PARVB: variants seen among roughly 807,000 people sequenced by gnomAD.
PARVB encodes beta-parvin.
A neutral mutation model predicts 47.0 loss-of-function variants in PARVB; 46 were observed. That is an observed-to-expected ratio of 0.98 (90% CI 0.77 to 1.25). PARVB has a LOEUF of 1.25. PARVB is among the 50% of genes most tolerant of loss of function. PARVB has a pLI of 0.00. For missense variants in PARVB, 473 were observed against 471.6 expected (o/e 1.00, Z -0.03); for synonymous variants, 196 against 196.3 (o/e 1.00, Z 0.01).
At chr22:44,016,123 G>T (rs1365158368) in intron 2 of PARVB, among the ~76,000 whole-genome samples, 3 of 141,424 alleles carry the variant, frequency 2.1e-5, no homozygotes, top group African/African-American at 8.3e-5. Flanking sequence ...TTGAGATGGA[G>T]TCTCGCTCTG....
intron 1 of PARVB, among the ~76,000 whole-genome samples, chr22:44,063,682 G>C (rs2051462753): frequency 1.3e-5 from 2 of 152,118 alleles, no homozygotes; most frequent in Non-Finnish European, 2.9e-5. Flanking sequence ...CAGAGTATGT[G>C]TGGTTGTCCA....
chr22:44,158,522 A>G (rs1601700298), intron 11 of PARVB, among the ~76,000 whole-genome samples: 2 of 152,082 alleles, frequency 1.3e-5, no homozygotes, highest in Non-Finnish European at 2.9e-5. Flanking sequence ...GTCAACTTGA[A>G]CATGTTTCTA....
chr22:44,007,304 G>C (rs7292221), intron 2 of PARVB, among the ~76,000 whole-genome samples: 1 of 152,178 alleles, frequency 6.6e-6, no homozygotes, highest in Non-Finnish European at 1.5e-5. Context: ...AGTCTCCTCC[G>C]AGAAGCCCAT....
chr22:44,126,720 A>G (rs1039354505), intron 4 of PARVB, among the ~76,000 whole-genome samples: 2 of 152,148 alleles, frequency 1.3e-5, no homozygotes, highest in Non-Finnish European at 2.9e-5. Flanking sequence ...GATATTTTCT[A>G]ATATTTTCAG....
chr22:44,031,202 A>C lies in PARVB; in HGVS notation c.112+6751A>C, dbSNP rs534510458. 6.6e-5 allele frequency among the ~76,000 whole-genome samples: 10 copies of C among 152,302 alleles called. No homozygotes were observed. In the South Asian group the frequency reaches 2.1e-3, roughly 32 times the overall value. ...TGAGGTCACTGCGACGCTGCCCAGC[A>C]CCTTCATGGGAAACGCTCCTCAGGG... On this transcript the variant is annotated intron_variant, in intron 1 of 12. Coordinates refer to ENST00000338758, the MANE Select transcript of PARVB (RefSeq NM_013327.5).
At chr22:44,066,730 G>A (rs2051530804) in intron 1 of PARVB, among the ~76,000 whole-genome samples, 1 of 144,576 alleles carries the variant, frequency 6.9e-6, no homozygotes, top group South Asian at 2.2e-4. Context: ...TTGCCTTATG[G>A]GGCCTTGATG....
At chr22:44,030,923 G>C (rs1260979528) in intron 1 of PARVB, among the ~76,000 whole-genome samples, 1 of 152,136 alleles carries the variant, frequency 6.6e-6, no homozygotes, top group Non-Finnish European at 1.5e-5. Context: ...CCAACGAAAA[G>C]GGGGAGTGGC....
intron 1 of PARVB, among the ~76,000 whole-genome samples, chr22:44,056,753 G>A (rs2051319590): frequency 6.6e-6 from 1 of 151,836 alleles, no homozygotes; most frequent in African/African-American, 2.4e-5. Flanking sequence ...TGATCCTCCT[G>A]CCTCAGCTTC....
intron 1 of PARVB, among the ~76,000 whole-genome samples, chr22:44,034,392 A>G (rs2050882273): frequency 6.6e-6 from 1 of 151,124 alleles, no homozygotes; most frequent in Non-Finnish European, 1.5e-5. Context: ...ATACATATAT[A>G]TATGTTTGAG....
intron 2 of PARVB, among the ~76,000 whole-genome samples, chr22:44,010,007 C>G (rs917125745): frequency 6.6e-6 from 1 of 152,036 alleles, no homozygotes; most frequent in Non-Finnish European, 1.5e-5. Flanking sequence ...AGGGTTTCAC[C>G]ATCTTGGCCA....
At chr22:44,117,538 A>C (rs1174178799) in intron 3 of PARVB, among the ~76,000 whole-genome samples, 1 of 152,204 alleles carries the variant, frequency 6.6e-6, no homozygotes, top group Non-Finnish European at 1.5e-5. Flanking sequence ...TGACCTTCAG[A>C]GGTGGCATTG....
At chr22:44,081,855 G>T (rs560999288) in intron 1 of PARVB, among the ~76,000 whole-genome samples, 28 of 152,276 alleles carry the variant, frequency 1.8e-4, no homozygotes, top group African/African-American at 5.3e-4. Flanking sequence ...CTGCCTCGAG[G>T]CTCTTTTCTT....
In PARVB at chr22:44,155,369, G is replaced by A. The variant is rs976390112; in HGVS notation, c.844-2613G>A. On this transcript the variant is annotated intron_variant, in intron 10 of 12. Coordinates refer to ENST00000338758, the MANE Select transcript of PARVB (RefSeq NM_013327.5). This position sits in a 1 kb window ranked among gnomAD's most constrained non-coding sequence, Gnocchi z 4.8. ...TGAGCTAGACAGCAGGTTGTGGAGA[G>A]AGGGCACCACGCTGGGTGCTTGTGA... Among the ~76,000 whole-genome samples, 1 of 152,172 alleles carries A rather than the reference G, an allele frequency of 6.6e-6. No homozygotes were observed. Among genetic ancestry groups the A allele is most frequent in the Non-Finnish European group, 1.5e-5 (1 of 68,024 alleles).
upstream of PARVB, among the ~76,000 whole-genome samples, chr22:44,022,747 A>AT (rs56956306): frequency 3.4e-4 from 51 of 147,888 alleles, no homozygotes; most frequent in Admixed American, 1.4e-3. Context: ...TTTATTTTTT[A>AT]TTTTTTTTTT....
At chr22:44,026,261 A>T in intron 1 of PARVB, 2 of 958,710 alleles carry the variant, frequency 2.1e-6, no homozygotes, top group Non-Finnish European at 2.5e-6. Context: ...AGCCTGGTTT[A>T]ATTCAAATGC....
At chr22:44,025,348 G>A (rs1049342828) in intron 1 of PARVB, among the ~76,000 whole-genome samples, 5 of 152,042 alleles carry the variant, frequency 3.3e-5, no homozygotes, top group South Asian at 2.1e-4. Context: ...AGTGTACCCC[G>A]GGATGCAGGT....
chr22:44,056,237 C>T (rs1011878842), intron 1 of PARVB, among the ~76,000 whole-genome samples: 3 of 152,214 alleles, frequency 2.0e-5, no homozygotes, highest in African/African-American at 2.4e-5. Flanking sequence ...GCTGTGTGGC[C>T]GTGTGGGATC....
upstream of PARVB, among the ~76,000 whole-genome samples, chr22:44,024,006 G>A (rs2050686307): frequency 6.6e-6 from 1 of 152,222 alleles, no homozygotes; most frequent in Non-Finnish European, 1.5e-5. Flanking sequence ...CTGCACCCAC[G>A]TGGCAATGGT....
intron 1 of PARVB, among the ~76,000 whole-genome samples, chr22:44,064,283 C>G (rs2051476964): frequency 1.3e-5 from 2 of 152,364 alleles, no homozygotes; most frequent in South Asian, 4.1e-4. Flanking sequence ...CCTTGGATCC[C>G]TTTTCCTTTC....
Sources: gnomAD v4.1 joint callset for allele counts (sites outside exome capture counted in the v4.1 genomes callset) on GRCh38, gnomAD v4.1.1 for gene constraint, Gnocchi (gnomAD v3.1) non-coding constraint, MANE v1.5 for transcripts, NCBI Gene and HGNC (gene_info 2026-07-23, HGNC 2026-07-21) for gene names.